The following MILR1 variants were observed in gnomAD, a reference collection of about 807,000 sequenced individuals.
MILR1 encodes the protein mast cell immunoglobulin like receptor 1, also known as allergin-1.
In MILR1, 31 loss-of-function variants were observed where a neutral mutation model predicts 18.5. The ratio of observed to expected loss-of-function variants is 1.68; its 90% CI spans 1.26 to 2.26. MILR1 has a LOEUF of 2.26. MILR1 is among the 30% of genes most tolerant of loss of function. MILR1 has a pLI of 0.00. For synonymous variants in MILR1, 85 were observed against 56.2 expected, an observed-to-expected ratio of 1.51 and a Z score of -2.30; for missense variants, 257 against 157.4, an observed-to-expected ratio of 1.63 and a Z score of -3.38.
the MILR1 span, among the ~76,000 whole-genome samples, chr17:64,482,100 T>TTTA: frequency 3.6e-5 from 5 of 140,462 alleles, no homozygotes; most frequent in East Asian, 1.0e-3. Flanking sequence ...TTAAAGCTTT[T>TTTA]TTTTTTTTTT....
intron 2 of MILR1, among the ~76,000 whole-genome samples, chr17:64,451,121 T>C (rs2037161569): frequency 6.7e-6 from 1 of 148,498 alleles, no homozygotes; most frequent in Non-Finnish European, 1.5e-5. Context: ...ACTTTTACTT[T>C]TAAATTTTAT....
the MILR1 span, chr17:64,483,981 C>G: frequency 3.9e-5 from 6 of 152,432 alleles, no homozygotes; most frequent in East Asian, 1.2e-3. Flanking sequence ...TCCCAAAGTG[C>G]TGGGATTATA....
chr17:64,477,589 CTTGTATGTAAGAAAAACAAACCCCAA>C, the MILR1 span, among the ~76,000 whole-genome samples: 1 of 152,160 alleles, frequency 6.6e-6, no homozygotes, highest in Non-Finnish European at 1.5e-5. Context: ...CGCTAGAGTT[CTTGTATGTAAGAAAAACAAACCCCAA>C]TTTGCTTAAT....
the MILR1 span, chr17:64,485,794 G>A: frequency 3.7e-6 from 6 of 1,611,424 alleles, no homozygotes; most frequent in Non-Finnish European, 5.1e-6. Flanking sequence ...CATAGAGGTA[G>A]GCCAGCATGC....
chr17:64,495,119 A>C, the MILR1 span, among the ~76,000 whole-genome samples: 2 of 144,514 alleles, frequency 1.4e-5, no homozygotes, highest in East Asian at 2.0e-4. Flanking sequence ...TGGAGCTTGC[A>C]GTGAGCCGAG....
chr17:64,474,415 C>G, the MILR1 span, among the ~76,000 whole-genome samples: 1 of 152,048 alleles, frequency 6.6e-6, no homozygotes. Flanking sequence ...TGCTCTGTTG[C>G]CCAGGCAGGA....
downstream of MILR1, chr17:64,468,671 A>C (rs1555664011): frequency 9.1e-7 from 1 of 1,095,620 alleles, no homozygotes; most frequent in Non-Finnish European, 1.1e-6. Context: ...TGACTCTTCA[A>C]TATTCTGCTC....
downstream of MILR1, among the ~76,000 whole-genome samples, chr17:64,471,792 C>A (rs1409785225): frequency 6.6e-6 from 1 of 152,176 alleles, no homozygotes; most frequent in Non-Finnish European, 1.5e-5. Context: ...TCTCTACAAA[C>A]ATATTTGTAT....
At chr17:64,467,731 C>T (rs959623652) in intron 9 of MILR1, 86 bp downstream of exon 9, 17 of 743,994 alleles carry the variant, frequency 2.3e-5, no homozygotes, top group African/African-American at 7.1e-5. Context: ...GTCAGGAGTT[C>T]GAGACCAGCC....
chr17:64,490,607 A>C, the MILR1 span: 1 of 607,700 alleles, frequency 1.6e-6, no homozygotes, highest in Non-Finnish European at 2.9e-6. Flanking sequence ...GCTCTGTGGC[A>C]ATAGTGGATT....
chr17:64,491,660 C>A, the MILR1 span: 3 of 1,337,546 alleles, frequency 2.2e-6, no homozygotes, highest in Non-Finnish European at 2.1e-6. Context: ...ACTGGTACTA[C>A]AACAAGTACA....
At chr17:64,497,060 C>G in the MILR1 span, 1 of 1,323,886 alleles carries the variant, frequency 7.6e-7, no homozygotes, top group Non-Finnish European at 1.1e-6. Flanking sequence ...GAGGCCACGG[C>G]GCAGGCGCAA....
the MILR1 span, chr17:64,477,684 A>T: frequency 1.0e-6 from 1 of 977,070 alleles, no homozygotes. Context: ...AATGAAAGAC[A>T]TAAAAAATAT....
chr17:64,496,995 C>G, the MILR1 span: 1 of 1,585,758 alleles, frequency 6.3e-7, no homozygotes. Context: ...AGAGCACACT[C>G]TCCCATCACT....
At chr17:64,471,832 A>G (rs994410228), downstream of MILR1, among the ~76,000 whole-genome samples, 2 of 152,354 alleles carry the variant, frequency 1.3e-5, no homozygotes, top group African/African-American at 4.8e-5. Flanking sequence ...AATGGAACGG[A>G]AAGTCCAGAT....
the MILR1 span, chr17:64,477,838 T>G: frequency 2.5e-6 from 4 of 1,595,722 alleles, no homozygotes; most frequent in Non-Finnish European, 2.6e-6. Flanking sequence ...CATTCTTAGC[T>G]GATGATATAT....
At chr17:64,453,931 T>C (rs919456352) in intron 3 of MILR1, among the ~76,000 whole-genome samples, 20 of 152,122 alleles carry the variant, frequency 1.3e-4, no homozygotes, top group African/African-American at 4.8e-4. Context: ...TTATTTTATT[T>C]CTTTTTTTCT....
chr17:64,459,151 G>C (rs2037367317), intron 4 of MILR1, among the ~76,000 whole-genome samples: 2 of 152,202 alleles, frequency 1.3e-5, no homozygotes, highest in Non-Finnish European at 2.9e-5. Context: ...AGGAAAACTA[G>C]GTCGTGTGCA....
intron 9 of MILR1, chr17:64,467,869 A>AG: frequency 3.2e-6 from 1 of 312,780 alleles, no homozygotes; most frequent in Non-Finnish European, 5.9e-6. Context: ...CGGGAGGCAG[A>AG]GGTTGCAGTG....
Sources: gnomAD v4.1 joint callset for allele counts (sites outside exome capture counted in the v4.1 genomes callset) on GRCh38, gnomAD v4.1.1 for gene constraint, MANE v1.5 for transcripts, NCBI Gene and HGNC (gene_info 2026-07-23, HGNC 2026-07-21) for gene names.